GRAMD1B: variants seen among roughly 807,000 people sequenced by gnomAD.
The protein encoded by GRAMD1B is protein Aster-B.
In GRAMD1B, 37 loss-of-function variants were observed where a neutral mutation model predicts 99.7. The observed-to-expected ratio is 0.37, with a 90% confidence interval of 0.29 to 0.49. The LOEUF (loss-of-function observed/expected upper bound fraction) is 0.49, where lower values mean the gene tolerates loss of function less well. GRAMD1B is among the 20% of genes least tolerant of loss of function. The probability of loss-of-function intolerance (pLI) is 0.98; values close to 1 mark genes in which losing one functional copy is unlikely to be tolerated. For synonymous variants in GRAMD1B, 427 were observed against 387.6 expected, an observed-to-expected ratio of 1.10 and a Z score of -1.19; for missense variants, 888 against 1,009.2, an observed-to-expected ratio of 0.88 and a Z score of 1.63.
chr11:123,592,746 T>C (rs1189403561), intron 4 of GRAMD1B, among the ~76,000 whole-genome samples: 1 of 152,148 alleles, frequency 6.6e-6, no homozygotes, highest in East Asian at 1.9e-4. Flanking sequence ...CACCCTAGGC[T>C]GAGGGTCAGC....
At chr11:123,402,759 C>T (rs1454465854) in intron 1 of GRAMD1B, among the ~76,000 whole-genome samples, 3 of 152,086 alleles carry the variant, frequency 2.0e-5, no homozygotes, top group Admixed American at 1.3e-4. Context: ...GTTCTAGCTC[C>T]GTGAGGAAGT....
At chr11:123,581,642 C>T (rs1410329515) in intron 3 of GRAMD1B, among the ~76,000 whole-genome samples, 1 of 152,330 alleles carries the variant, frequency 6.6e-6, no homozygotes, top group Non-Finnish European at 1.5e-5. Context: ...CTGGAGATTG[C>T]TGGTTCAGGG....
At chr11:123,562,294 C>A (rs1244783124) in intron 2 of GRAMD1B, among the ~76,000 whole-genome samples, 4 of 152,218 alleles carry the variant, frequency 2.6e-5, no homozygotes. Context: ...AGCAAGCCTG[C>A]AGCCCTTTCT....
intron 2 of GRAMD1B, among the ~76,000 whole-genome samples, chr11:123,549,456 G>T (rs1030589817): frequency 6.6e-5 from 10 of 152,018 alleles, no homozygotes; most frequent in African/African-American, 2.4e-4. Flanking sequence ...GCAGGAGAAC[G>T]GCGTGAACCT....
intron 1 of GRAMD1B, among the ~76,000 whole-genome samples, chr11:123,453,632 T>G (rs978930943): frequency 6.6e-6 from 1 of 152,184 alleles, no homozygotes; most frequent in African/African-American, 2.4e-5. Flanking sequence ...TAGGTATGTA[T>G]TTTTTAAACC....
chr11:123,543,626 TG>T (rs1324941187), intron 2 of GRAMD1B, among the ~76,000 whole-genome samples: 2 of 152,242 alleles, frequency 1.3e-5, no homozygotes, highest in Non-Finnish European at 2.9e-5. Flanking sequence ...AGTTGGCTGG[TG>T]TTAGCCAGAA....
chr11:123,603,594 GAAGAA>G, intron 9 of GRAMD1B, 53 bp downstream of exon 9: 1 of 1,002,476 alleles, frequency 1.0e-6, no homozygotes, highest in Non-Finnish European at 1.6e-6. Flanking sequence ...GTGCCTGCAG[GAAGAA>G]CCTGCCAGGC....
intron 2 of GRAMD1B, 49 bp from the exon 3 acceptor site, chr11:123,577,318 C>G: frequency 6.9e-7 from 1 of 1,453,890 alleles, no homozygotes; most frequent in Non-Finnish European, 9.5e-7. Context: ...CCTGCCTTTC[C>G]TCCTCCTTCT....
chr11:123,513,587 TTCC>T (rs1591772105), intron 2 of GRAMD1B, among the ~76,000 whole-genome samples: 3 of 72,680 alleles, frequency 4.1e-5, no homozygotes, highest in African/African-American at 1.9e-4. Flanking sequence ...CTTTCCTTCC[TTCC>T]TTCCTTCCTT....
intron 2 of GRAMD1B, among the ~76,000 whole-genome samples, chr11:123,574,777 G>T (rs1462231078): frequency 6.6e-6 from 1 of 152,170 alleles, no homozygotes; most frequent in African/African-American, 2.4e-5. Context: ...CTGTGACCAG[G>T]GCCGGAAGCA....
At chr11:123,416,147 G>A (rs1038438103) in intron 1 of GRAMD1B, among the ~76,000 whole-genome samples, 7 of 152,172 alleles carry the variant, frequency 4.6e-5, no homozygotes, top group African/African-American at 1.4e-4. Context: ...GGGTTGGTGT[G>A]CTTTGGGCAT....
Position 123,459,076 on chromosome 11 carries a change from G to A in GRAMD1B, c.375-21740G>A, listed in dbSNP as rs79114739. The A allele has an allele frequency of 2.6e-5, 4 of 152,332 alleles. No homozygotes were observed. In the East Asian group the frequency reaches 7.7e-4, roughly 29 times the overall value. 9.4% of individuals were successfully genotyped at this position (152,332 alleles called of 1,614,324 possible). Reference sequence around the variant, plus strand: ...TTTGGAAAAGTGTTTCTAGGAGCTTGTTGTAGCAGAGGCTGTGTAGATGAC... The same window carrying A: ...TTTGGAAAAGTGTTTCTAGGAGCTTATTGTAGCAGAGGCTGTGTAGATGAC... On this transcript the variant is annotated intron_variant, in intron 1 of 19. Transcript: ENST00000635736.
At chr11:123,521,736 T>C (rs1462079558) in intron 2 of GRAMD1B, among the ~76,000 whole-genome samples, 3 of 152,230 alleles carry the variant, frequency 2.0e-5, no homozygotes, top group Non-Finnish European at 2.9e-5. Flanking sequence ...GTACATTTCT[T>C]TCAAGTTTAT....
chr11:123,425,020 A>G (rs1948598173), intron 1 of GRAMD1B, among the ~76,000 whole-genome samples: 1 of 152,248 alleles, frequency 6.6e-6, no homozygotes, highest in Non-Finnish European at 1.5e-5. Flanking sequence ...TGGAGCACTT[A>G]CTGTGTGCCA....
At chr11:123,402,883 C>T (rs567260931) in intron 1 of GRAMD1B, among the ~76,000 whole-genome samples, 7 of 152,068 alleles carry the variant, frequency 4.6e-5, no homozygotes, top group East Asian at 3.9e-4. Context: ...GACAGTGTGG[C>T]GATTCCTCAA....
At chr11:123,507,553 T>C (rs183091493) in intron 2 of GRAMD1B, among the ~76,000 whole-genome samples, 166 of 152,330 alleles carry the variant, frequency 1.1e-3, no homozygotes, top group Non-Finnish European at 1.8e-3. Context: ...TGTATCAGGA[T>C]ATACATCCTT....
intron 2 of GRAMD1B, among the ~76,000 whole-genome samples, chr11:123,561,705 C>G (rs966615317): frequency 6.6e-6 from 1 of 152,220 alleles, no homozygotes; most frequent in African/African-American, 2.4e-5. Context: ...TCCGGGGAGA[C>G]CCCCTCGCTC....
In GRAMD1B at chr11:123,376,067, G is replaced by C. The variant is rs117937367; in HGVS notation, c.-176+17268G>C. The stretch of plus-strand genomic sequence containing the variant: ...GCACACTTGGCTGGAGTATGTTCTG[G>C]CTCTGACCTTTCTTCCCTGGCCAAT... On this transcript the variant is annotated intron_variant, in intron 1 of 20. Coordinates refer to the GRAMD1B transcript ENST00000638157. Among the ~76,000 whole-genome samples, 366 of 151,906 alleles carry C rather than the reference G, an allele frequency of 2.4e-3. 10 individuals are homozygous for C. In the East Asian group the frequency reaches 0.064, roughly 26 times the overall value.
At chr11:123,569,670 G>T (rs1427524894) in intron 2 of GRAMD1B, among the ~76,000 whole-genome samples, 2 of 152,240 alleles carry the variant, frequency 1.3e-5, no homozygotes, top group Non-Finnish European at 2.9e-5. Flanking sequence ...AAATTCGAAG[G>T]GGAGTTGGCT....
Sources: allele counts gnomAD v4.1 joint callset (sites outside exome capture counted in the v4.1 genomes callset), GRCh38; gene constraint gnomAD v4.1.1; transcripts MANE v1.5; gene names NCBI Gene and HGNC (gene_info 2026-07-23, HGNC 2026-07-21).